ISCA1: variants seen among roughly 807,000 people sequenced by gnomAD.
ISCA1 encodes iron-sulfur cluster assembly 1.
A neutral mutation model predicts 14.7 loss-of-function variants in ISCA1; 9 were observed. That is an observed-to-expected ratio of 0.61 (90% CI 0.37 to 1.07). The LOEUF is 1.07. Among genes scored for constraint, ISCA1 ranks in the 50% least tolerant of loss-of-function variants. The pLI, the probability that ISCA1 is intolerant of heterozygous loss-of-function variation, is 0.01. For synonymous variants in ISCA1, 38 were observed against 54.3 expected, an observed-to-expected ratio of 0.70 and a Z score of 1.32; for missense variants, 102 against 150.1, an observed-to-expected ratio of 0.68 and a Z score of 1.67.
intron 1 of ISCA1, among the ~76,000 whole-genome samples, chr9:86,278,306 T>C (rs982867229): frequency 6.6e-6 from 1 of 152,204 alleles, no homozygotes; most frequent in Non-Finnish European, 1.5e-5. Context: ...AAAAGCATTC[T>C]CTTTTGTCTT....
In ISCA1 at chr9:86,282,451, G is replaced by C. The variant is rs755553369; in HGVS notation, c.8C>G (p.Ala3Gly). The C allele has an allele frequency of 1.3e-5, 20 of 1,553,374 alleles. No homozygotes were observed. The highest frequency in any genetic ancestry group is 9.7e-5 in the Admixed American group (5 of 51,370). The stretch of plus-strand genomic sequence containing the variant: ...CCGGACAGTTGCCCGGACTAAGGAA[G>C]CCGACATCTTCGCCGTCCCGGCGCC... MSASLVRATVRAV... is the reference protein window; with the variant it reads MSGSLVRATVRAV... Residue 3 changes from alanine to glycine, a missense_variant, in exon 1 of 4, where the codon GCT becomes GGT. Physicochemically the swap from Ala to Gly is moderately conservative, Grantham distance 60. Coordinates refer to ENST00000375991, the MANE Select transcript of ISCA1 (RefSeq NM_030940.4).
At chr9:86,281,588 G>C (rs368449180) in intron 1 of ISCA1, among the ~76,000 whole-genome samples, 3 of 152,298 alleles carry the variant, frequency 2.0e-5, no homozygotes, top group African/African-American at 4.8e-5. Context: ...CCCTTTAAAA[G>C]GACTAATTTT....
intron 1 of ISCA1, among the ~76,000 whole-genome samples, chr9:86,278,630 AC>A (rs1191618123): frequency 1.3e-5 from 2 of 152,230 alleles, no homozygotes; most frequent in Non-Finnish European, 2.9e-5. Context: ...TGATCATGCC[AC>A]TGCATATGAG....
chr9:86,275,722 G>A (rs887534326), intron 1 of ISCA1, among the ~76,000 whole-genome samples: 15 of 152,126 alleles, frequency 9.9e-5, no homozygotes, highest in African/African-American at 3.6e-4. Flanking sequence ...CAGTAGGTGG[G>A]CCTCTAAAGG....
In ISCA1 at chr9:86,265,255, T is replaced by A. The variant is rs1214614662; in HGVS notation, c.*788A>T. The A allele has an allele frequency of 2.0e-5, 3 of 151,754 alleles. No homozygotes were observed. 9.4% of individuals were successfully genotyped at this position (151,754 alleles called of 1,614,324 possible). ...TGTCACCTACAAGGGGAGAGGGGGG[T>A]AGAGTCCCTACTCTCCCCCGGCCTG... On this transcript the variant is annotated 3_prime_UTR_variant, in exon 4 of 4. Coordinates refer to ENST00000375991, the MANE Select transcript of ISCA1 (RefSeq NM_030940.4).
At chr9:86,279,529 C>T (rs1350208269) in intron 1 of ISCA1, among the ~76,000 whole-genome samples, 1 of 152,206 alleles carries the variant, frequency 6.6e-6, no homozygotes, top group African/African-American at 2.4e-5. Context: ...TTGTTGACAT[C>T]TGGTAGACTC....
chr9:86,265,994 A>G lies in ISCA1; in HGVS notation c.*49T>C. The G allele has an allele frequency of 1.2e-6, 2 of 1,611,712 alleles. No homozygotes were observed. The highest frequency in any genetic ancestry group is 1.7e-6 in the Non-Finnish European group (2 of 1,179,678). Reference sequence around the variant, plus strand: ...ACATGATTTCTGCAGTGAGCCCCAAAGCTTCCACGAGCTTTCCTGGAACCT... The same window carrying G: ...ACATGATTTCTGCAGTGAGCCCCAAGGCTTCCACGAGCTTTCCTGGAACCT... On this transcript the variant is annotated 3_prime_UTR_variant, in exon 4 of 4. Transcript: ENST00000375991.
At chr9:86,278,266 T>G (rs184056476) in intron 1 of ISCA1, among the ~76,000 whole-genome samples, 10 of 152,234 alleles carry the variant, frequency 6.6e-5, no homozygotes, top group Non-Finnish European at 1.3e-4. Context: ...CAGCCATGGC[T>G]GGCATTAGAG....
rs1212523297 is a variant in ISCA1 at position 86,270,498 on chromosome 9, C to G, written c.241+1509G>C. 5.3e-5 allele frequency among the ~76,000 whole-genome samples: 8 copies of G among 150,434 alleles called. No individual in the cohort carries two copies. The South Asian group carries it at 6.3e-4, about 12-fold the overall frequency. ...GAACACTTTTACACTGGTGGTGGGA[C>G]TGTAAACTAGTTCAACCATTGTGGA... On this transcript the variant is annotated intron_variant, in intron 3 of 3. Transcript: ENST00000375991.
rs1040796190 is a variant in ISCA1, at chr9:86,265,692, G to A, written c.*351C>T. On this transcript the variant is annotated 3_prime_UTR_variant, in exon 4 of 4. Transcript: ENST00000375991. ...CCTGTCTCAGATTTTAGGAGTCACC[G>A]ATCTGGTTGGGAGAAATGCTGAGGG... 2.8e-5 allele frequency: 7 copies of A among 248,160 alleles called. No individual in the cohort carries two copies. The highest frequency in any genetic ancestry group is 6.1e-5 in the South Asian group (1 of 16,484). The allele number at this position is 248,160 out of a possible 1,614,324, so 15.4% of individuals were successfully genotyped here. A position where few individuals can be genotyped will look rare whatever the true frequency, so the allele number is the denominator to read the frequency against.
chr9:86,268,795 T>C (rs1175829014), intron 3 of ISCA1, among the ~76,000 whole-genome samples: 6 of 152,014 alleles, frequency 3.9e-5, no homozygotes, highest in Non-Finnish European at 8.8e-5. Context: ...TGCACTATGA[T>C]GTCTTTTTTT....
At chr9:86,273,967 T>C (rs1825407233) in intron 2 of ISCA1, among the ~76,000 whole-genome samples, 1 of 152,196 alleles carries the variant, frequency 6.6e-6, no homozygotes, top group African/African-American at 2.4e-5. Flanking sequence ...CCAAAGAGAT[T>C]GCTTCTTGGA....
intron 1 of ISCA1, 24 bp downstream of exon 1, chr9:86,282,354 C>T (rs1417107879): frequency 1.3e-6 from 2 of 1,537,314 alleles, no homozygotes; most frequent in African/African-American, 2.7e-5. Context: ...GTCACGGGCC[C>T]CGCCGCGCGC....
At chr9:86,279,731 T>C (rs1224878312) in intron 1 of ISCA1, among the ~76,000 whole-genome samples, 1 of 152,242 alleles carries the variant, frequency 6.6e-6, no homozygotes, top group Non-Finnish European at 1.5e-5. Flanking sequence ...GAATTACGTA[T>C]ACTTTTGTTT....
At chr9:86,278,888 G>A (rs1181483970) in intron 1 of ISCA1, among the ~76,000 whole-genome samples, 1 of 152,050 alleles carries the variant, frequency 6.6e-6, no homozygotes, top group Non-Finnish European at 1.5e-5. Context: ...CACAGCATAA[G>A]TCAAAGAATG....
intron 2 of ISCA1, among the ~76,000 whole-genome samples, chr9:86,273,678 A>G (rs1277451047): frequency 6.6e-6 from 1 of 152,174 alleles, no homozygotes; most frequent in Non-Finnish European, 1.5e-5. Flanking sequence ...TCAGGGAGAC[A>G]TTTTTGGTTG....
chr9:86,276,386 C>T (rs1825439213), intron 1 of ISCA1, among the ~76,000 whole-genome samples: 1 of 152,188 alleles, frequency 6.6e-6, no homozygotes, highest in South Asian at 2.1e-4. Flanking sequence ...CAGTACCAGT[C>T]TGTAGCGCAG....
chr9:86,264,630 A>C lies in ISCA1; in HGVS notation c.*1413T>G, dbSNP rs1185201873. On this transcript the variant is annotated 3_prime_UTR_variant, in exon 4 of 4. Coordinates refer to ENST00000375991, the MANE Select transcript of ISCA1 (RefSeq NM_030940.4). ...ACAGTGTTGCACGAATTATAAGTGG[A>C]TCAACAATTATATTATTGATACAAA... The C allele has an allele frequency of 2.0e-5, 3 of 152,682 alleles. No homozygotes were observed. Among genetic ancestry groups the C allele is most frequent in the Admixed American group, 2.0e-4 (3 of 15,298 alleles). The allele number at this position is 152,682 out of a possible 1,614,324, so 9.5% of individuals were successfully genotyped here. A position where few individuals can be genotyped will look rare whatever the true frequency, so the allele number is the denominator to read the frequency against.
intron 1 of ISCA1, among the ~76,000 whole-genome samples, chr9:86,280,309 G>C (rs1448155925): frequency 6.6e-6 from 1 of 152,164 alleles, no homozygotes; most frequent in African/African-American, 2.4e-5. Context: ...GGAAGGGCAA[G>C]GCACGGTGGC....
Sources: gnomAD v4.1 joint callset for allele counts (sites outside exome capture counted in the v4.1 genomes callset) on GRCh38, gnomAD v4.1.1 for gene constraint, MANE v1.5 for transcripts, NCBI Gene and HGNC (gene_info 2026-07-23, HGNC 2026-07-21) for gene names.